The following CHD6 variants were observed in gnomAD, a reference collection of about 807,000 sequenced individuals.
The protein encoded by CHD6 is ATP-dependent chromatin remodeler CHD6.
In CHD6, 50 loss-of-function variants were observed where a neutral mutation model predicts 276.9. The observed-to-expected ratio is 0.18, with a 90% CI of 0.14 to 0.23. The LOEUF is 0.23. Ranked by LOEUF, CHD6 falls within the 10% of genes least tolerant of loss-of-function variation. The pLI is 1.00. For missense variants in CHD6, 2,564 were observed against 3,365.8 expected, an observed-to-expected ratio of 0.76 and a Z score of 5.89; for synonymous variants, 1,173 against 1,229.3, an observed-to-expected ratio of 0.95 and a Z score of 0.96.
chr20:41,515,086 T>A (rs2044219231), intron 3 of CHD6, 134 bp from the exon 4 acceptor site: 2 of 866,886 alleles, frequency 2.3e-6, no homozygotes, highest in Non-Finnish European at 3.6e-6. Flanking sequence ...CTACAAGAGT[T>A]TCTTCCAAGA....
intron 1 of CHD6, among the ~76,000 whole-genome samples, chr20:41,569,495 C>A (rs917858314): frequency 3.9e-5 from 6 of 152,238 alleles, no homozygotes; most frequent in Middle Eastern, 3.4e-3. Flanking sequence ...TTTAGGGGGA[C>A]TGGTCTGAGA....
Position 41,545,635 on chromosome 20 carries a change from C to T in CHD6, c.33+5670G>A, listed in dbSNP as rs1231864642. The stretch of plus-strand genomic sequence containing the variant: ...AATTATGGATCATGATTTAGTGATC[C>T]ATACTACTAGTAAACTGAGTCCTCA... On this transcript the variant is annotated intron_variant, in intron 2 of 36. Transcript: ENST00000373233. 3.3e-5 allele frequency among the ~76,000 whole-genome samples: 5 copies of T among 152,116 alleles called. No homozygotes were observed. In the South Asian group the frequency reaches 1.0e-3, roughly 32 times the overall value.
At chr20:41,424,027 G>C (rs1051718838) in intron 29 of CHD6, among the ~76,000 whole-genome samples, 1 of 152,144 alleles carries the variant, frequency 6.6e-6, no homozygotes, top group Non-Finnish European at 1.5e-5. Context: ...TCTGCCTGTA[G>C]ATGATGAAGA....
chr20:41,461,709 G>A (rs557567455), intron 17 of CHD6: 1 of 152,598 alleles, frequency 6.6e-6, no homozygotes, highest in South Asian at 2.1e-4. Context: ...GGTTTACCAA[G>A]TTGTTCTTGG....
chr20:41,608,309 C>T (rs927605264), intron 1 of CHD6, among the ~76,000 whole-genome samples: 6 of 152,016 alleles, frequency 3.9e-5, no homozygotes, highest in Non-Finnish European at 7.4e-5. Flanking sequence ...AGCATTTTAC[C>T]GCGATATGAG....
intron 4 of CHD6, 41 bp downstream of exon 4, chr20:41,514,764 G>C: frequency 6.2e-7 from 1 of 1,606,586 alleles, no homozygotes; most frequent in Non-Finnish European, 8.5e-7. Flanking sequence ...ATCCCATCCA[G>C]GAGCCGTAAT....
chr20:41,459,036 CCT>C (rs1341752817), intron 17 of CHD6, among the ~76,000 whole-genome samples: 1 of 152,072 alleles, frequency 6.6e-6, no homozygotes, highest in Non-Finnish European at 1.5e-5. Flanking sequence ...CAATGGGTCC[CCT>C]GTGTCAGAGG....
chr20:41,405,536 G>T, intron 36 of CHD6, 47 bp from the exon 37 acceptor site: 1 of 1,456,024 alleles, frequency 6.9e-7, no homozygotes, highest in Non-Finnish European at 9.3e-7. Context: ...CAGGATGGCA[G>T]GTGGTCAGCT....
intron 1 of CHD6, among the ~76,000 whole-genome samples, chr20:41,553,645 A>G (rs1240491136): frequency 6.6e-6 from 1 of 152,226 alleles, no homozygotes; most frequent in Admixed American, 6.5e-5. Flanking sequence ...TAAGGGATAA[A>G]TACATCTGCT....
chr20:41,501,655 T>C (rs1235860800), intron 5 of CHD6, among the ~76,000 whole-genome samples: 1 of 152,226 alleles, frequency 6.6e-6, no homozygotes, highest in Non-Finnish European at 1.5e-5. Context: ...TTATCTTGGA[T>C]ATATAACTAG....
At chr20:41,433,470 G>GA (rs1428127656) in intron 27 of CHD6, among the ~76,000 whole-genome samples, 1 of 151,994 alleles carries the variant, frequency 6.6e-6, no homozygotes, top group Non-Finnish European at 1.5e-5. Context: ...AGAGCTGAAA[G>GA]AAAAAAACTA....
At chr20:41,555,032 G>A (rs1435890287) in intron 1 of CHD6, among the ~76,000 whole-genome samples, 23 of 147,444 alleles carry the variant, frequency 1.6e-4, no homozygotes, top group Admixed American at 1.2e-3. Flanking sequence ...CCTCCCTCCC[G>A]GACGGGGCGG....
chr20:41,417,773 G>C (rs2047049988), intron 31 of CHD6, among the ~76,000 whole-genome samples: 1 of 152,208 alleles, frequency 6.6e-6, no homozygotes, highest in African/African-American at 2.4e-5. Flanking sequence ...TGATTAATAT[G>C]AGAAAGGATG....
intron 1 of CHD6, among the ~76,000 whole-genome samples, chr20:41,590,924 A>G (rs368606283): frequency 2.6e-4 from 40 of 151,574 alleles, no homozygotes; most frequent in African/African-American, 5.6e-4. Context: ...TGTTTACTGC[A>G]GCACTATTCA....
chr20:41,600,550 A>C (rs192670791), intron 1 of CHD6, among the ~76,000 whole-genome samples: 49 of 152,310 alleles, frequency 3.2e-4, no homozygotes, highest in African/African-American at 1.2e-3. Context: ...AGAATAATCA[A>C]GCAGTATACT....
intron 30 of CHD6, among the ~76,000 whole-genome samples, chr20:41,422,718 T>C (rs1221438429): frequency 6.6e-6 from 1 of 152,202 alleles, no homozygotes; most frequent in Non-Finnish European, 1.5e-5. Context: ...TCAGATAAAC[T>C]ACCTTGCTCC....
chr20:41,484,726 AAAAG>A (rs1464734359), intron 14 of CHD6, 119 bp from the exon 15 acceptor site: 6 of 1,041,614 alleles, frequency 5.8e-6, no homozygotes, highest in Non-Finnish European at 8.6e-6. Flanking sequence ...GTAGTAGACT[AAAAG>A]AAAGATTATG....
chr20:41,612,657 G>C (rs1038373063), intron 1 of CHD6, among the ~76,000 whole-genome samples: 1 of 152,314 alleles, frequency 6.6e-6, no homozygotes, highest in Non-Finnish European at 1.5e-5. Context: ...CTATGATCTA[G>C]ACTTAGCTTA....
At chr20:41,502,478 T>C (rs969085453) in intron 5 of CHD6, among the ~76,000 whole-genome samples, 34 of 152,344 alleles carry the variant, frequency 2.2e-4, no homozygotes, top group African/African-American at 7.9e-4. Context: ...AAGGTAGTTA[T>C]ATTTTGTTCA....
Sources: allele counts gnomAD v4.1 joint callset (sites outside exome capture counted in the v4.1 genomes callset), GRCh38; gene constraint gnomAD v4.1.1; transcripts MANE v1.5; gene names NCBI Gene and HGNC (gene_info 2026-07-23, HGNC 2026-07-21).